INPP5B: variants seen among roughly 807,000 people sequenced by gnomAD.
INPP5B encodes inositol polyphosphate-5-phosphatase B.
In INPP5B, 90 loss-of-function variants were observed where a neutral mutation model predicts 118.5. The ratio of observed to expected loss-of-function variants is 0.76; its 90% CI spans 0.64 to 0.90. The LOEUF (loss-of-function observed/expected upper bound fraction) is 0.90. INPP5B is among the 40% of genes least tolerant of loss of function. The probability of loss-of-function intolerance (pLI) is 0.00; values close to 1 mark genes in which losing one functional copy is unlikely to be tolerated. For synonymous variants in INPP5B, 385 were observed against 418.9 expected (o/e 0.92, Z 0.99); for missense variants, 984 against 1,125.6 (o/e 0.87, Z 1.80).
chr1:37,865,862 C>T lies in INPP5B; in HGVS notation c.2413G>A (p.Ala805Thr), dbSNP rs1641995035. 6.2e-7 allele frequency: 1 copy of T among 1,613,478 alleles called. No homozygotes were observed. The highest frequency in any genetic ancestry group is 1.3e-5 in the African/African-American group (1 of 74,922). ...AGGCTCTCCAGGAAAAGCAGCAGGG[C>T]TTCGGCTACAGAATGATTGCTGGCA... The part of the protein sequence containing the change: ...LSASNHSVAE[A>T]LLLFLESLPE... Residue 805 changes from alanine to threonine, a missense_variant, in exon 22 of 24, where the codon GCC becomes ACC. Ala to Thr is a moderately conservative substitution (Grantham distance 58). Around this residue, in one of 2 missense-constraint regions of INPP5B, gnomAD observed 634 missense variants for 791.0 expected, o/e 0.80. Coordinates refer to ENST00000373024, the MANE Select transcript of INPP5B (RefSeq NM_005540.3).
chr1:37,888,383 T>C (rs1200104459), intron 9 of INPP5B, 39 bp from the exon 10 acceptor site: 4 of 1,306,668 alleles, frequency 3.1e-6, no homozygotes, highest in African/African-American at 1.5e-5. Context: ...TCCGAATCAC[T>C]ATGGAGATAA....
At chr1:37,940,174 C>T (rs770491783) in intron 6 of INPP5B, among the ~76,000 whole-genome samples, 27 of 152,192 alleles carry the variant, frequency 1.8e-4, no homozygotes, top group Non-Finnish European at 2.6e-4. Flanking sequence ...TACACAAACT[C>T]TCCTTTACCT....
At position 37,865,786 on chromosome 1, in the gene INPP5B, G is replaced by T; in HGVS notation, c.2489C>A (p.Ser830Tyr). ...YSTYHNCLECSGNYTASKQVI... is the reference protein window; with the variant it reads ...YSTYHNCLECYGNYTASKQVI... ...CTGTTTGCTTGCTGTGTAGTTGCCA[G>T]AACACTCCAAGCAGTTATGGTAGGT... The change falls in exon 22 of 24, where the codon TCT becomes TAT. Residue 830 changes from serine to tyrosine, a missense_variant. By Grantham distance (144) the Ser-to-Tyr change is moderately radical. Transcript: ENST00000373024. The T allele has an allele frequency of 6.2e-7, 1 of 1,613,646 alleles. No individual in the cohort carries two copies. Among genetic ancestry groups the T allele is most frequent in the South Asian group, 1.1e-5 (1 of 91,024 alleles).
rs901006822 is a variant in INPP5B, at chr1:37,911,348, C to T, written c.533-19894G>A. ...ATTGTTCCTGGCCCAGACTTCAATC[C>T]GGCCTCCCACATTATTCCGGATACC... On this transcript the variant is annotated intron_variant, in intron 7 of 23. Transcript: ENST00000373024. Among the ~76,000 whole-genome samples the T allele has an allele frequency of 5.3e-5, 8 of 152,280 alleles. No individual in the cohort carries two copies. The South Asian group carries it at 1.0e-3, about 20-fold the overall frequency.
chr1:37,944,777 G>A (rs1334447181), intron 3 of INPP5B, among the ~76,000 whole-genome samples: 1 of 151,422 alleles, frequency 6.6e-6, no homozygotes, highest in African/African-American at 2.4e-5. Flanking sequence ...AGATGGAGCC[G>A]GGGAGCGGGA....
intron 7 of INPP5B, among the ~76,000 whole-genome samples, chr1:37,893,929 G>C (rs1269431939): frequency 2.0e-5 from 3 of 152,206 alleles, no homozygotes; most frequent in Non-Finnish European, 4.4e-5. Flanking sequence ...TCCTGTGCCA[G>C]GGGTCAGTAA....
chr1:37,915,593 G>A (rs532718792), intron 7 of INPP5B, among the ~76,000 whole-genome samples: 2 of 152,322 alleles, frequency 1.3e-5, no homozygotes, highest in Admixed American at 6.5e-5. Context: ...GAAAGGACTG[G>A]AGTATATGTC....
intron 7 of INPP5B, among the ~76,000 whole-genome samples, chr1:37,921,962 G>A (rs1463702665): frequency 6.6e-6 from 1 of 152,294 alleles, no homozygotes; most frequent in East Asian, 1.9e-4. Context: ...AACCCAGGAG[G>A]TGGAAGCTGC....
chr1:37,922,022 A>G (rs1404666780), intron 7 of INPP5B, among the ~76,000 whole-genome samples: 1 of 150,570 alleles, frequency 6.6e-6, no homozygotes, highest in Admixed American at 6.6e-5. Flanking sequence ...ACAGAGCAAG[A>G]CTGTCTCAAA....
intron 7 of INPP5B, among the ~76,000 whole-genome samples, chr1:37,924,066 C>T (rs1268811749): frequency 6.6e-6 from 1 of 152,084 alleles, no homozygotes; most frequent in East Asian, 1.9e-4. Flanking sequence ...GCCTGAGCCA[C>T]TGTGCCCAGC....
Position 37,885,661 on chromosome 1 carries a change from G to C in INPP5B, c.1296C>G (p.Pro432=), listed in dbSNP as rs78860312. 7.7e-5 allele frequency: 124 copies of C among 1,613,890 alleles called. No individual in the cohort carries two copies. In the East Asian group the frequency reaches 2.7e-3, roughly 35 times the overall value. The part of the protein sequence containing the change: ...MQFCQPDPSL[P]PLTISNHDVI... ...ACTCATGGTTGCTGATGGTGAGAGG[G>C]GGAAGGCTTGGGTCAGGCTGACAAA... Residue 432 remains proline (P), a synonymous_variant, in exon 13 of 24, where the codon CCC becomes CCG. Coordinates refer to ENST00000373024, the MANE Select transcript of INPP5B (RefSeq NM_005540.3).
intron 6 of INPP5B, among the ~76,000 whole-genome samples, chr1:37,935,126 A>G (rs542995104): frequency 2.3e-3 from 343 of 146,554 alleles, no homozygotes; most frequent in African/African-American, 6.7e-3. Flanking sequence ...GCGTGAACCC[A>G]GGAGGCGGAG....
In INPP5B at chr1:37,889,647, A is replaced by G. The variant is rs778766165; in HGVS notation, c.707T>C (p.Leu236Ser). 9.9e-6 allele frequency: 16 copies of G among 1,613,794 alleles called. No homozygotes were observed. Among genetic ancestry groups the G allele is most frequent in the Admixed American group, 5.0e-5 (3 of 60,006 alleles). Reference protein sequence around the residue: ...TITVSDKAHILSMQKFGLRDT... With the variant: ...TITVSDKAHISSMQKFGLRDT... ...TCGCAGTCCAAACTTCTGCATGGATAAAATATGAGCCTTGTCCGACACTGT... is the reference window on the plus strand; with the variant it reads ...TCGCAGTCCAAACTTCTGCATGGATGAAATATGAGCCTTGTCCGACACTGT... The change falls in exon 9 of 24, where the codon TTA becomes TCA. Residue 236 changes from leucine to serine, a missense_variant. Physicochemically the swap from Leu to Ser is moderately radical, Grantham distance 145 (BLOSUM62 -2). Around this residue, in one of 2 missense-constraint regions of INPP5B, gnomAD observed 350 missense variants for 334.6 expected, o/e 1.05. Transcript: ENST00000373024.
chr1:37,896,202 G>A (rs1488060225), intron 7 of INPP5B, among the ~76,000 whole-genome samples: 4 of 149,590 alleles, frequency 2.7e-5, no homozygotes, highest in Non-Finnish European at 4.5e-5. Flanking sequence ...CTGCCCGGCC[G>A]CCCCGTCTGA....
At chr1:37,936,994 T>G (rs1557724899) in intron 6 of INPP5B, among the ~76,000 whole-genome samples, 2 of 151,898 alleles carry the variant, frequency 1.3e-5, no homozygotes, top group Non-Finnish European at 2.9e-5. Flanking sequence ...CGATAATACT[T>G]CCCTTGTAAG....
intron 16 of INPP5B, among the ~76,000 whole-genome samples, chr1:37,876,516 G>C (rs1227647293): frequency 8.3e-6 from 1 of 120,820 alleles, no homozygotes; most frequent in Non-Finnish European, 1.6e-5. Context: ...AGTCACTTGA[G>C]ACCAGTCTGG....
chr1:37,925,107 G>C (rs1163507572), intron 7 of INPP5B, among the ~76,000 whole-genome samples: 1 of 152,172 alleles, frequency 6.6e-6, no homozygotes, highest in Non-Finnish European at 1.5e-5. Context: ...CCAGGAGGTG[G>C]AGGCTGCAGT....
intron 5 of INPP5B, among the ~76,000 whole-genome samples, chr1:37,941,384 A>AT (rs769222967): frequency 1.3e-5 from 2 of 152,168 alleles, no homozygotes; most frequent in Non-Finnish European, 2.9e-5. Flanking sequence ...ACAGTGACCC[A>AT]TGCCTGTAAT....
At chr1:37,889,764 C>T (rs755185463) in intron 8 of INPP5B, 40 bp from the exon 9 acceptor site, 10 of 1,477,334 alleles carry the variant, frequency 6.8e-6, no homozygotes, top group Non-Finnish European at 7.4e-6. Context: ...GTGGATGAGT[C>T]CCCATGGCAA....
Sources: allele counts gnomAD v4.1 joint callset (sites outside exome capture counted in the v4.1 genomes callset), GRCh38; gene constraint gnomAD v4.1.1; regional missense constraint gnomAD v4.1.1; transcripts MANE v1.5; gene names NCBI Gene and HGNC (gene_info 2026-07-23, HGNC 2026-07-21).